Variants in EPN2 observed in about 807,000 individuals in gnomAD.
EPN2 encodes the protein epsin-2.
A neutral mutation model predicts 61.7 loss-of-function variants in EPN2; 34 were observed. The ratio of observed to expected loss-of-function variants is 0.55; its 90% confidence interval spans 0.42 to 0.73. EPN2 has a LOEUF of 0.73. Among genes scored for constraint, EPN2 ranks in the 30% least tolerant of loss-of-function variants. EPN2 has a pLI of 0.00. For synonymous variants in EPN2, 349 were observed against 353.6 expected, an observed-to-expected ratio of 0.99 and a Z score of 0.15; for missense variants, 714 against 839.2, an observed-to-expected ratio of 0.85 and a Z score of 1.84.
chr17:19,263,145 C>G (rs1360473197), intron 1 of EPN2, among the ~76,000 whole-genome samples: 1 of 152,196 alleles, frequency 6.6e-6, no homozygotes, highest in East Asian at 1.9e-4. Flanking sequence ...GAATGTGGCA[C>G]CTGCCTTTTA....
intron 1 of EPN2, among the ~76,000 whole-genome samples, chr17:19,255,972 C>T (rs2045072894): frequency 6.6e-6 from 1 of 151,794 alleles, no homozygotes; most frequent in South Asian, 2.1e-4. Context: ...GAGTCTTGGT[C>T]TGTTACCCAG....
At chr17:19,282,862 GT>G (rs1346563162) in intron 2 of EPN2, 87 bp from the exon 3 acceptor site, 6 of 430,182 alleles carry the variant, frequency 1.4e-5, no homozygotes, top group Non-Finnish European at 2.1e-5. Context: ...CAGCTCCCCA[GT>G]TTTACCCAGT....
At chr17:19,277,531 G>A (rs2045319864) in intron 1 of EPN2, among the ~76,000 whole-genome samples, 1 of 151,854 alleles carries the variant, frequency 6.6e-6, no homozygotes, top group Non-Finnish European at 1.5e-5. Flanking sequence ...ATGTTTAAAT[G>A]TTTACAGGCT....
At chr17:19,247,420 A>G (rs2152200901) in intron 1 of EPN2, among the ~76,000 whole-genome samples, 1 of 152,336 alleles carries the variant, frequency 6.6e-6, no homozygotes, top group East Asian at 1.9e-4. Context: ...TGGAGAAAAA[A>G]TTTAGAAGTC....
At chr17:19,333,423 C>CT (rs751085394) in intron 10 of EPN2, among the ~76,000 whole-genome samples, 13 of 152,202 alleles carry the variant, frequency 8.5e-5, no homozygotes, top group Non-Finnish European at 1.9e-4. Context: ...AGCGCACACA[C>CT]TTTTGCAAAG....
At chr17:19,321,846 CA>C (rs1906651887) in intron 7 of EPN2, among the ~76,000 whole-genome samples, 1 of 152,282 alleles carries the variant, frequency 6.6e-6, no homozygotes, top group Admixed American at 6.5e-5. Flanking sequence ...TGTGTCACCG[CA>C]GTCCTGAAGT....
intron 9 of EPN2, among the ~76,000 whole-genome samples, 161 bp downstream of exon 9, chr17:19,329,808 C>A (rs964875303): frequency 6.6e-6 from 1 of 152,164 alleles, no homozygotes; most frequent in Non-Finnish European, 1.5e-5. Context: ...ATTCATACAT[C>A]AATAGTTAAA....
intron 9 of EPN2, 67 bp from the exon 10 acceptor site, chr17:19,331,786 T>A: frequency 7.2e-7 from 1 of 1,386,518 alleles, no homozygotes; most frequent in Non-Finnish European, 1.0e-6. Flanking sequence ...CCATGTTTTG[T>A]GTTAAGTACA....
Position 19,285,528 on chromosome 17 carries a change from G to A in EPN2, c.596-92G>A, listed in dbSNP as rs1383791040. On this transcript the variant is annotated intron_variant, in intron 3 of 10. Transcript: ENST00000314728. The surrounding 1 kb of genome is among the most constrained non-coding windows in gnomAD (Gnocchi z 4.5). ...CGCAGTGGGCTGCGGGGTTGACCCC[G>A]AGTGGCCTTGGCCCGTACCTCCTGC... 9 of 1,360,774 alleles carry A rather than the reference G, an allele frequency of 6.6e-6. No individual in the cohort carries two copies. Among genetic ancestry groups the A allele is most frequent in the South Asian group, 1.8e-5 (1 of 56,348 alleles). The allele number at this position is 1,360,774 out of a possible 1,614,324, so 84.3% of individuals were successfully genotyped here.
intron 1 of EPN2, among the ~76,000 whole-genome samples, chr17:19,259,804 G>A (rs910887697): frequency 4.6e-5 from 7 of 152,216 alleles, no homozygotes; most frequent in East Asian, 1.9e-4. Flanking sequence ...GCGACCCCTC[G>A]CTCCTAAATG....
At chr17:19,272,161 C>T (rs1295842715) in intron 1 of EPN2, among the ~76,000 whole-genome samples, 1 of 152,220 alleles carries the variant, frequency 6.6e-6, no homozygotes, top group African/African-American at 2.4e-5. Flanking sequence ...TCACTGCACC[C>T]AGTCTCTGGT....
At chr17:19,296,150 ATT>A (rs879503406) in intron 4 of EPN2, among the ~76,000 whole-genome samples, 1 of 144,354 alleles carries the variant, frequency 6.9e-6, no homozygotes, top group Non-Finnish European at 1.5e-5. Context: ...CATTCATTCT[ATT>A]TTTTTTTTTT....
chr17:19,324,306 T>G (rs936878933), intron 7 of EPN2, among the ~76,000 whole-genome samples: 1 of 152,154 alleles, frequency 6.6e-6, no homozygotes, highest in African/African-American at 2.4e-5. Flanking sequence ...CAGAAAAAAT[T>G]ATAATGAAAA....
chr17:19,253,535 C>T (rs1025178338), intron 1 of EPN2, among the ~76,000 whole-genome samples: 1 of 151,608 alleles, frequency 6.6e-6, no homozygotes, highest in African/African-American at 2.4e-5. Context: ...CCACCTCAGC[C>T]TCCTGAGTAG....
chr17:19,274,758 G>T (rs1207839240), intron 1 of EPN2, among the ~76,000 whole-genome samples: 1 of 152,146 alleles, frequency 6.6e-6, no homozygotes, highest in Non-Finnish European at 1.5e-5. Flanking sequence ...CTCCCATGAT[G>T]GGGAACTCTA....
At chr17:19,242,899 A>G (rs1007366163) in intron 1 of EPN2, among the ~76,000 whole-genome samples, 6 of 152,208 alleles carry the variant, frequency 3.9e-5, no homozygotes, top group African/African-American at 1.2e-4. Context: ...CCTCTTAGGT[A>G]GTTGCACGTT....
At chr17:19,289,356 T>C (rs1046482829) in intron 4 of EPN2, among the ~76,000 whole-genome samples, 5 of 152,054 alleles carry the variant, frequency 3.3e-5, no homozygotes, top group Non-Finnish European at 4.4e-5. Flanking sequence ...AGTGCTGGGA[T>C]TACAGGTGTG....
intron 7 of EPN2, among the ~76,000 whole-genome samples, chr17:19,314,317 A>AG (rs3837833): frequency 0.97 from 147,070 of 152,156 alleles, 71,337 homozygotes; most frequent in African/African-American, 0.99. Flanking sequence ...ACAGGAGTCC[A>AG]GGAGTGTGAG....
chr17:19,249,135 G>A (rs1211939523), intron 1 of EPN2, among the ~76,000 whole-genome samples: 4 of 152,178 alleles, frequency 2.6e-5, no homozygotes, highest in Non-Finnish European at 5.9e-5. Flanking sequence ...GCCTTTTGGC[G>A]GTGAGTGGGC....
Sources: allele counts gnomAD v4.1 joint callset (sites outside exome capture counted in the v4.1 genomes callset), GRCh38; gene constraint gnomAD v4.1.1; non-coding constraint Gnocchi (gnomAD v3.1); transcripts MANE v1.5; gene names NCBI Gene and HGNC (gene_info 2026-07-23, HGNC 2026-07-21).